Variants in GC observed in about 807,000 individuals in gnomAD.
GC encodes GC vitamin D binding protein.
A neutral mutation model predicts 56.7 loss-of-function variants in GC; 43 were observed. The observed-to-expected ratio is 0.76, with a 90% CI of 0.59 to 0.98. The LOEUF (loss-of-function observed/expected upper bound fraction) is 0.98. Ranked by LOEUF, GC falls within the 50% of genes least tolerant of loss-of-function variation. The pLI, the probability that GC is intolerant of heterozygous loss-of-function variation, is 0.00. For synonymous variants in GC, 216 were observed against 202.7 expected (o/e 1.07, Z -0.56); for missense variants, 529 against 545.9 (o/e 0.97, Z 0.31).
chr4:71,763,682 G>A lies in GC; in HGVS notation c.606+122C>T, dbSNP rs1441979296. On this transcript the variant is annotated intron_variant, in intron 5 of 12. Transcript: ENST00000273951. The stretch of plus-strand genomic sequence containing the variant: ...ATTACATTTATTTTCCAATTAAGAA[G>A]ATGCAAGGGTGGCATTTTAGAAACT... 1.1e-5 allele frequency: 9 copies of A among 843,550 alleles called. No individual in the cohort carries two copies. In the African/African-American group the frequency reaches 1.5e-4, roughly 14 times the overall value. The allele number at this position is 843,550 out of a possible 1,614,324, so 52.3% of individuals were successfully genotyped here. A position where few individuals can be genotyped will look rare whatever the true frequency, so the allele number is the denominator to read the frequency against.
At chr4:71,762,472 G>A (rs753602010) in intron 6 of GC, among the ~76,000 whole-genome samples, 2 of 152,202 alleles carry the variant, frequency 1.3e-5, no homozygotes, top group Non-Finnish European at 2.9e-5. Flanking sequence ...ATGCTGAAGT[G>A]AGTTAAGACT....
chr4:71,748,204 CT>C (rs1331262326), intron 11 of GC, among the ~76,000 whole-genome samples: 1 of 152,108 alleles, frequency 6.6e-6, no homozygotes, highest in Non-Finnish European at 1.5e-5. Flanking sequence ...ATTAATATTT[CT>C]GCTTAACAAA....
At chr4:71,804,527 A>G (rs1054028567), upstream of GC, among the ~76,000 whole-genome samples, 3 of 151,774 alleles carry the variant, frequency 2.0e-5, no homozygotes, top group Non-Finnish European at 4.4e-5. Context: ...TGTTTGCAAA[A>G]CTTATCATAT....
chr4:71,786,009 A>G (rs906415087), upstream of GC: 4 of 151,816 alleles, frequency 2.6e-5, no homozygotes, highest in Non-Finnish European at 5.9e-5. Context: ...ACGAATTTTG[A>G]TACAGAGTTT....
At chr4:71,789,932 G>A (rs916553884) in intron 1 of GC, among the ~76,000 whole-genome samples, 1 of 151,922 alleles carries the variant, frequency 6.6e-6, no homozygotes, top group African/African-American at 2.4e-5. Context: ...GCCCCTAGAT[G>A]CTGGAAAGGG....
chr4:71,793,787 TG>T (rs1743027490), intron 1 of GC, among the ~76,000 whole-genome samples: 1 of 152,150 alleles, frequency 6.6e-6, no homozygotes, highest in Non-Finnish European at 1.5e-5. Flanking sequence ...ATATTGGCTG[TG>T]GGTTTGTGAT....
chr4:71,754,430 A>G lies in GC; in HGVS notation c.1243T>C (p.Phe415Leu). 6.5e-7 allele frequency: 1 copy of G among 1,548,194 alleles called. No homozygotes were observed. The highest frequency in any genetic ancestry group is 8.9e-7 in the Non-Finnish European group (1 of 1,122,538). Residue 415 changes from phenylalanine to leucine, a missense_variant, in exon 10 of 13, where the codon TTT (phenylalanine) becomes CTT (leucine). Coordinates refer to ENST00000273951, the MANE Select transcript of GC (RefSeq NM_000583.4). The stretch of plus-strand genomic sequence containing the variant: ...TCTTACTTTTTCTTGTACTCAGTAA[A>G]TGTATTTTCTGAATAATCTGCACAT... ...ELCADYSENT[F>L]TEYKKKLAER...
chr4:71,762,515 T>C (rs1742012526), intron 6 of GC, among the ~76,000 whole-genome samples: 1 of 152,184 alleles, frequency 6.6e-6, no homozygotes, highest in Admixed American at 6.5e-5. Flanking sequence ...TAATTAGTTT[T>C]GAAATGTGAG....
At chr4:71,786,476 A>T (rs1040140779), upstream of GC, among the ~76,000 whole-genome samples, 5 of 151,786 alleles carry the variant, frequency 3.3e-5, no homozygotes, top group African/African-American at 1.2e-4. Flanking sequence ...GTATCACTGA[A>T]TATATATATT....
chr4:71,768,243 G>T lies in GC; in HGVS notation c.261+58C>A, dbSNP rs549798594. The T allele has an allele frequency of 2.3e-5, 33 of 1,458,384 alleles. No homozygotes were observed. The South Asian group carries it at 4.2e-4, about 18-fold the overall frequency. 90.3% of individuals were successfully genotyped at this position (1,458,384 alleles called of 1,614,324 possible). ...AATTTTTTCAACACGTGGTATAAAG[G>T]CCTATTTTGGCTTCCTTCTCTGGGC... On this transcript the variant is annotated intron_variant, in intron 3 of 12. Coordinates refer to ENST00000273951, the MANE Select transcript of GC (RefSeq NM_000583.4).
chr4:71,762,154 G>A (rs1742000512), intron 6 of GC, among the ~76,000 whole-genome samples: 1 of 152,214 alleles, frequency 6.6e-6, no homozygotes, highest in Admixed American at 6.5e-5. Flanking sequence ...AGCCACAGAG[G>A]TGGAGCTGCC....
intron 1 of GC, among the ~76,000 whole-genome samples, chr4:71,771,872 C>A (rs1742355456): frequency 6.6e-6 from 1 of 152,146 alleles, no homozygotes; most frequent in Admixed American, 6.6e-5. Context: ...GAACTGTCCT[C>A]ATGTGGTGAT....
chr4:71,786,476 A>C (rs1040140779), upstream of GC, among the ~76,000 whole-genome samples: 1 of 151,786 alleles, frequency 6.6e-6, no homozygotes, highest in South Asian at 2.1e-4. Flanking sequence ...GTATCACTGA[A>C]TATATATATT....
chr4:71,763,404 T>C lies in GC; in HGVS notation c.701+4A>G, dbSNP rs756179267. On this transcript the variant is annotated splice_donor_region_variant and intron_variant, in intron 6 of 12. Coordinates refer to ENST00000273951, the MANE Select transcript of GC (RefSeq NM_000583.4). ...TAAATATGACAATAGCACTTAATCT[T>C]TACCTGAGCCTTGATTTCTTCTCCC... 1.3e-5 allele frequency: 20 copies of C among 1,515,700 alleles called. No individual in the cohort carries two copies. The Admixed American group carries it at 3.4e-4, about 25-fold the overall frequency. The allele number at this position is 1,515,700 out of a possible 1,614,324, so 93.9% of individuals were successfully genotyped here.
Position 71,789,958 on chromosome 4 carries a change from G to A in GC, c.22-5904C>T, listed in dbSNP as rs556305764. On this transcript the variant is annotated intron_variant, in intron 1 of 13. Coordinates refer to the GC transcript ENST00000504199. ...CTGGAAAGGGCAAGAAAATGGAAAG[G>A]AGTGTTAAAATCTCCAATTCCCATT... Among the ~76,000 whole-genome samples, 21 of 152,058 alleles carry A rather than the reference G, an allele frequency of 1.4e-4. No homozygotes were observed. The East Asian group carries it at 4.1e-3, about 29-fold the overall frequency.
intron 11 of GC, among the ~76,000 whole-genome samples, chr4:71,746,698 C>T (rs923359066): frequency 1.5e-5 from 2 of 136,026 alleles, no homozygotes; most frequent in African/African-American, 5.6e-5. Flanking sequence ...AGAACCCAAG[C>T]AGGAGGCACA....
chr4:71,783,246 G>T (rs552407978), intron 1 of GC, among the ~76,000 whole-genome samples: 2 of 151,812 alleles, frequency 1.3e-5, no homozygotes, highest in East Asian at 3.9e-4. Flanking sequence ...AGCCAGAAAA[G>T]TAAATTGAAG....
At chr4:71,753,596 A>G (rs1741625476) in intron 10 of GC, among the ~76,000 whole-genome samples, 1 of 152,108 alleles carries the variant, frequency 6.6e-6, no homozygotes, top group South Asian at 2.1e-4. Flanking sequence ...AGAACCCAGT[A>G]CCACTTCTTA....
rs1174611489 is a variant in GC, at chr4:71,741,880, T to C, written c.*26-10A>G. On this transcript the variant is annotated splice_polypyrimidine_tract_variant and intron_variant, in intron 12 of 12. Coordinates refer to ENST00000273951, the MANE Select transcript of GC (RefSeq NM_000583.4). ...TGGCTCCAACTCTGGTCTATGAGAA[T>C]AATGAAATGAATTTTATGTTAGAAA... 1.4e-6 allele frequency: 1 copy of C among 702,822 alleles called. No individual in the cohort carries two copies. The highest frequency in any genetic ancestry group is 1.7e-5 in the African/African-American group (1 of 57,254). The allele number at this position is 702,822 out of a possible 1,614,324, so 43.5% of individuals were successfully genotyped here.
Sources: gnomAD v4.1 joint callset for allele counts (sites outside exome capture counted in the v4.1 genomes callset) on GRCh38, gnomAD v4.1.1 for gene constraint, MANE v1.5 for transcripts, NCBI Gene and HGNC (gene_info 2026-07-23, HGNC 2026-07-21) for gene names.